RAD50: variants seen among roughly 807,000 people sequenced by gnomAD.
RAD50 encodes the protein RAD50 double strand break repair protein.
In RAD50, 132 loss-of-function variants were observed where a neutral mutation model predicts 168.8. The observed-to-expected ratio is 0.78, with a 90% CI of 0.68 to 0.90. RAD50 has a LOEUF of 0.90. Among genes scored for constraint, RAD50 ranks in the 40% least tolerant of loss-of-function variants. RAD50 has a pLI of 0.00. For synonymous variants in RAD50, 525 were observed against 497.4 expected (o/e 1.06, Z -0.74); for missense variants, 1,347 against 1,534.4 (o/e 0.88, Z 2.04).
chr5:132,594,950 C>G lies in RAD50; in HGVS notation c.1875C>G (p.Tyr625Ter), dbSNP rs149201802. Residue 625 changes from tyrosine to a stop codon, truncating the protein, a stop_gained, in exon 12 of 25, where the codon TAC (tyrosine) becomes TAG (stop). Coordinates refer to ENST00000378823, the MANE Select transcript of RAD50 (RefSeq NM_005732.4). LOFTEE classifies it high-confidence loss of function. ...LKRKEEQLSS[Y>*]EDKLFDVCGS... ...GAAAGGAAGAGCAGTTGTCCAGTTA[C>G]GAAGACAAGCTGTTTGATGTTTGTG... 48 of 1,610,562 alleles carry G rather than the reference C, an allele frequency of 3.0e-5. No individual in the cohort carries two copies. The Admixed American group carries it at 3.7e-4, about 12-fold the overall frequency.
rs560568430 is a variant in RAD50, at chr5:132,593,831, A to G, written c.1794-1038A>G. On this transcript the variant is annotated intron_variant, in intron 11 of 24. Coordinates refer to ENST00000378823, the MANE Select transcript of RAD50 (RefSeq NM_005732.4). ...AATTAGATTCCTGGGAAGCACAAACATTTAAAATGTTAGCAGGCAAAGGAA... is the reference window on the plus strand; with the variant it reads ...AATTAGATTCCTGGGAAGCACAAACGTTTAAAATGTTAGCAGGCAAAGGAA... Among the ~76,000 whole-genome samples, 3 of 152,336 alleles carry G rather than the reference A, an allele frequency of 2.0e-5. No homozygotes were observed. The East Asian group carries it at 5.8e-4, about 29-fold the overall frequency.
rs747560224 is a variant in RAD50, at chr5:132,588,687, G to T, written c.1052G>T (p.Gly351Val). The T allele has an allele frequency of 1.4e-5, 23 of 1,610,430 alleles. 2 individuals are homozygous for T. The South Asian group carries it at 2.6e-4, about 18-fold the overall frequency. ...QEKSELLVEQ[G>V]RLQLQADRHQ... ...AATTATGAGATTTTTTTTTTAAAAG[G>T]TCGTCTACAGCTGCAAGCAGATCGC... Residue 351 changes from glycine to valine, a missense_variant and splice_region_variant, in exon 8 of 25, where the codon GGT becomes GTT. Transcript: ENST00000378823.
chr5:132,559,402 T>G, intron 2 of RAD50, 35 bp downstream of exon 2: 1 of 1,573,968 alleles, frequency 6.4e-7, no homozygotes, highest in Non-Finnish European at 8.6e-7. Flanking sequence ...ATTTTTATAA[T>G]TATAAAAATG....
intron 2 of RAD50, among the ~76,000 whole-genome samples, chr5:132,570,063 C>G (rs966683048): frequency 1.3e-5 from 2 of 152,178 alleles, no homozygotes; most frequent in Non-Finnish European, 2.9e-5. Context: ...CCAATAGATA[C>G]AGAAAACGCA....
rs878854795 is a variant in RAD50 at position 132,609,387 on chromosome 5, T to TA, written c.3028dup (p.Thr1010AsnfsTer12). The TA allele has an allele frequency of 4.3e-6, 7 of 1,613,594 alleles. No individual in the cohort carries two copies. The highest frequency in any genetic ancestry group is 5.9e-6 in the Non-Finnish European group (7 of 1,179,812). ...TGAGACTCATGAGACAAGATATTGA[T>TA]ACACAGAAGGTAGGTCTGTTTTGCT... is the stretch of plus-strand genomic sequence containing the variant. On this transcript the variant is annotated frameshift_variant, in exon 19 of 25. Transcript: ENST00000378823. LOFTEE classifies it high-confidence loss of function.
At chr5:132,640,257 C>T (rs778924847) in intron 23 of RAD50, among the ~76,000 whole-genome samples, 6 of 152,232 alleles carry the variant, frequency 3.9e-5, no homozygotes, top group Non-Finnish European at 4.4e-5. Flanking sequence ...CTCTAGAAAA[C>T]GTGTCGAAGT....
At chr5:132,582,242 A>C (rs541315714) in intron 5 of RAD50, among the ~76,000 whole-genome samples, 1 of 152,314 alleles carries the variant, frequency 6.6e-6, no homozygotes, top group African/African-American at 2.4e-5. Context: ...ATTCTAACCA[A>C]GGCTGTAGCA....
At chr5:132,560,078 A>G (rs570907311) in intron 2 of RAD50, among the ~76,000 whole-genome samples, 27 of 137,614 alleles carry the variant, frequency 2.0e-4, no homozygotes, top group Non-Finnish European at 3.6e-4. Context: ...ACACACACAC[A>G]TATATATATA....
At chr5:132,612,784 C>T (rs767842767) in intron 19 of RAD50, among the ~76,000 whole-genome samples, 25 of 152,042 alleles carry the variant, frequency 1.6e-4, no homozygotes, top group Admixed American at 6.5e-4. Flanking sequence ...GCCCTTACTA[C>T]GCCACTGCAC....
rs887410648 is a variant in RAD50, at chr5:132,597,552, G to A, written c.2207+1742G>A. On this transcript the variant is annotated intron_variant, in intron 13 of 24. Transcript: ENST00000378823. ...GAAGCTAGCTGCCATGTTGCAAGCAGCCCTCTGGAGAGGCCCATATGCCAA... is the reference window on the plus strand; with the variant it reads ...GAAGCTAGCTGCCATGTTGCAAGCAACCCTCTGGAGAGGCCCATATGCCAA... Among the ~76,000 whole-genome samples, 5 of 152,276 alleles carry A rather than the reference G, an allele frequency of 3.3e-5. No individual in the cohort carries two copies. The South Asian group carries it at 8.3e-4, about 25-fold the overall frequency.
chr5:132,616,030 C>T lies in RAD50; in HGVS notation c.3064C>T (p.Leu1022Phe). ...ACAAGAAAGGTGGCTACAAGATAAC[C>T]TTACTTTAAGAAAAAGAAATGAGGA... ...KIQERWLQDN[L>F]TLRKRNEELK... is the part of the protein sequence containing the mutation. The change falls in exon 20 of 25, where the codon CTT becomes TTT. Residue 1022 changes from leucine (L) to phenylalanine (F), a missense_variant. By Grantham distance (22) the Leu-to-Phe change is conservative (BLOSUM62 0). Around this residue, in one of 3 missense-constraint regions of RAD50, gnomAD observed 635 missense variants for 739.2 expected, o/e 0.86. Transcript: ENST00000378823. The T allele has an allele frequency of 6.3e-7, 1 of 1,596,548 alleles. No homozygotes were observed. The highest frequency in any genetic ancestry group is 1.3e-5 in the African/African-American group (1 of 74,500).
intron 5 of RAD50, among the ~76,000 whole-genome samples, chr5:132,580,427 T>C (rs1262878726): frequency 6.6e-6 from 1 of 152,164 alleles, no homozygotes; most frequent in Non-Finnish European, 1.5e-5. Flanking sequence ...CTGAAAGAGC[T>C]TGGATTTGAA....
intron 4 of RAD50, 159 bp downstream of exon 4, chr5:132,579,661 G>A: frequency 1.2e-6 from 1 of 851,482 alleles, no homozygotes; most frequent in Non-Finnish European, 1.8e-6. Flanking sequence ...TCTTTCACTT[G>A]TCTTTCTGTG....
chr5:132,600,570 A>G (rs1343370491), intron 13 of RAD50, among the ~76,000 whole-genome samples: 1 of 152,150 alleles, frequency 6.6e-6, no homozygotes, highest in Non-Finnish European at 1.5e-5. Context: ...TAACATCATG[A>G]CTGAGATCTC....
chr5:132,592,053 A>T lies in RAD50; in HGVS notation c.1793+19A>T, dbSNP rs761324775. The T allele has an allele frequency of 6.3e-7, 1 of 1,594,642 alleles. No homozygotes were observed. Among genetic ancestry groups the T allele is most frequent in the East Asian group, 2.2e-5 (1 of 44,622 alleles). On this transcript the variant is annotated intron_variant, in intron 11 of 24. Transcript: ENST00000378823. Reference sequence around the variant, plus strand: ...AATTGAAGTAAGTTGCAACATTTGGAGATGTAATAGAAATCTCTTATTTCA... The same window carrying T: ...AATTGAAGTAAGTTGCAACATTTGGTGATGTAATAGAAATCTCTTATTTCA...
At chr5:132,587,254 TTAAG>T (rs1196863614) in intron 5 of RAD50, among the ~76,000 whole-genome samples, 3 of 152,248 alleles carry the variant, frequency 2.0e-5, no homozygotes, top group African/African-American at 7.2e-5. Flanking sequence ...TTTTTAAGGA[TTAAG>T]TAACTCTAAA....
rs1302970720 is a variant in RAD50 at position 132,640,953 on chromosome 5, G to A, written c.3752+148G>A. 14 of 1,373,426 alleles carry A rather than the reference G, an allele frequency of 1.0e-5. No individual in the cohort carries two copies. In the Admixed American group the frequency reaches 2.2e-4, roughly 22 times the overall value. 85.1% of individuals were successfully genotyped at this position (1,373,426 alleles called of 1,614,324 possible). A position where few individuals can be genotyped will look rare whatever the true frequency, so the allele number is the denominator to read the frequency against. On this transcript the variant is annotated intron_variant, in intron 24 of 24. Coordinates refer to ENST00000378823, the MANE Select transcript of RAD50 (RefSeq NM_005732.4). ...TCTTGGGGAAGCCAGTTGGTGCCAGGCCCTGGGCTTTACCTTTTGATAGTA... is the reference window on the plus strand; with the variant it reads ...TCTTGGGGAAGCCAGTTGGTGCCAGACCCTGGGCTTTACCTTTTGATAGTA...
Position 132,604,035 on chromosome 5 carries a change from A to G in RAD50, c.2513A>G (p.Lys838Arg). 1 of 1,613,648 alleles carries G rather than the reference A, an allele frequency of 6.2e-7. No individual in the cohort carries two copies. Among genetic ancestry groups the G allele is most frequent in the Non-Finnish European group, 8.5e-7 (1 of 1,179,690 alleles). The change falls in exon 15 of 25, where the codon AAG (lysine) becomes AGG (arginine). Residue 838 changes from lysine to arginine, a missense_variant. Lys to Arg is a conservative substitution (Grantham distance 26). Transcript: ENST00000378823. ...CAGGAGAAACAAGAGAAACAGCACAAGTTAGACACAGGTAATACAGTCTGT... is the reference window on the plus strand; with the variant it reads ...CAGGAGAAACAAGAGAAACAGCACAGGTTAGACACAGGTAATACAGTCTGT... Reference protein sequence around the residue: ...VNQEKQEKQHKLDTVSSKIEL... With the variant: ...VNQEKQEKQHRLDTVSSKIEL...
chr5:132,561,482 T>C (rs1402059375), intron 2 of RAD50, among the ~76,000 whole-genome samples: 2 of 151,650 alleles, frequency 1.3e-5, no homozygotes, highest in Non-Finnish European at 3.0e-5. Flanking sequence ...TGTGAGCCAC[T>C]GCACCCAACC....
Sources: allele counts gnomAD v4.1 joint callset (sites outside exome capture counted in the v4.1 genomes callset), GRCh38; gene constraint gnomAD v4.1.1; regional missense constraint gnomAD v4.1.1; transcripts MANE v1.5; gene names NCBI Gene and HGNC (gene_info 2026-07-23, HGNC 2026-07-21).